Variants in NXN observed in about 807,000 individuals in gnomAD.
NXN encodes the protein nucleoredoxin, also known as nucleoredoxin 1.
Under a neutral mutation model 48.6 loss-of-function variants are expected in NXN, and 16 were observed. The observed-to-expected ratio is 0.33, with a 90% CI of 0.22 to 0.50. NXN has a LOEUF of 0.50. Ranked by LOEUF, NXN falls within the 20% of genes least tolerant of loss-of-function variation. The pLI, the probability that NXN is intolerant of heterozygous loss-of-function variation, is 0.98. For synonymous variants in NXN, 281 were observed against 269.6 expected (o/e 1.04, Z -0.41); for missense variants, 492 against 605.5 (o/e 0.81, Z 1.97).
Position 941,077 on chromosome 17 carries a change from G to A in NXN, c.360+38242C>T, listed in dbSNP as rs561708753. ...CCAAACACCTCCCTGGATTTCCAGC[G>A]AACAAGATTCCAGGGTGCAGCCATG... On this transcript the variant is annotated intron_variant, in intron 1 of 7. Coordinates refer to ENST00000336868, the MANE Select transcript of NXN (RefSeq NM_022463.5). 1.1e-4 allele frequency among the ~76,000 whole-genome samples: 16 copies of A among 141,616 alleles called. No homozygotes were observed. In the East Asian group the frequency reaches 2.4e-3, roughly 21 times the overall value. The allele number at this position is 141,616 out of a possible 152,430, so 92.9% of individuals were successfully genotyped here. A position where few individuals can be genotyped will look rare whatever the true frequency, so the allele number is the denominator to read the frequency against.
intron 1 of NXN, among the ~76,000 whole-genome samples, chr17:887,820 T>G (rs531710778): frequency 6.6e-6 from 1 of 152,288 alleles, no homozygotes; most frequent in East Asian, 1.9e-4. Flanking sequence ...GAATTCCATT[T>G]GACCCAATTC....
intron 6 of NXN, 180 bp from the exon 7 acceptor site, chr17:803,986 T>TG (rs1911346502): frequency 2.8e-6 from 2 of 723,918 alleles, no homozygotes; most frequent in Non-Finnish European, 4.5e-6. Flanking sequence ...TGTGTGCACA[T>TG]GCGTCCCAGC....
At chr17:970,757 G>A (rs1184142320) in intron 1 of NXN, among the ~76,000 whole-genome samples, 1 of 152,076 alleles carries the variant, frequency 6.6e-6, no homozygotes, top group African/African-American at 2.4e-5. Context: ...TCTAATAATC[G>A]GTGCTCTTTG....
Position 822,387 on chromosome 17 carries a change from T to C in NXN, c.683A>G (p.Asn228Ser). The C allele has an allele frequency of 6.2e-7, 1 of 1,614,020 alleles. No homozygotes were observed. Among genetic ancestry groups the C allele is most frequent in the Non-Finnish European group, 8.5e-7 (1 of 1,179,972 alleles). Reference protein sequence around the residue: ...SYRKIKEAGQNFEIIFVSADR... With the variant: ...SYRKIKEAGQSFEIIFVSADR... ...TGCACTAACGAAGATGATCTCGAAGTTCTGGCCTGCCTCCTTGATCTTCCG... is the reference window on the plus strand; with the variant it reads ...TGCACTAACGAAGATGATCTCGAAGCTCTGGCCTGCCTCCTTGATCTTCCG... Residue 228 changes from asparagine (N) to serine (S), a missense_variant, in exon 4 of 8, where the codon AAC becomes AGC. Asn to Ser is a conservative substitution (Grantham distance 46, BLOSUM62 1). Around this residue, in one of 3 missense-constraint regions of NXN, gnomAD observed 303 missense variants for 388.3 expected, o/e 0.78. Coordinates refer to ENST00000336868, the MANE Select transcript of NXN (RefSeq NM_022463.5).
At chr17:866,686 A>C (rs2068098828) in intron 1 of NXN, among the ~76,000 whole-genome samples, 1 of 152,222 alleles carries the variant, frequency 6.6e-6, no homozygotes, top group East Asian at 1.9e-4. Context: ...TTTATAAAGA[A>C]AGAAAAAGTC....
intron 1 of NXN, among the ~76,000 whole-genome samples, chr17:971,984 G>A (rs2069386626): frequency 6.6e-6 from 1 of 152,024 alleles, no homozygotes; most frequent in Admixed American, 6.6e-5. Context: ...TGGCCAACAT[G>A]GTGAAACCCT....
intron 1 of NXN, among the ~76,000 whole-genome samples, chr17:951,282 A>G (rs985000508): frequency 1.3e-5 from 2 of 149,906 alleles, no homozygotes; most frequent in Admixed American, 1.3e-4. Context: ...CCCGGGAGAC[A>G]GAGGTTGCAG....
chr17:949,842 G>A (rs1461642677), intron 1 of NXN, among the ~76,000 whole-genome samples: 1 of 151,404 alleles, frequency 6.6e-6, no homozygotes, highest in Non-Finnish European at 1.5e-5. Context: ...TGGAGCAGTG[G>A]GGGCTGGGGT....
chr17:958,463 A>G lies in NXN; in HGVS notation c.360+20856T>C, dbSNP rs999217175. Among the ~76,000 whole-genome samples the G allele has an allele frequency of 1.3e-4, 20 of 151,822 alleles. No homozygotes were observed. Among genetic ancestry groups the G allele is most frequent in the Non-Finnish European group, 2.8e-4 (19 of 67,924 alleles). On this transcript the variant is annotated intron_variant, in intron 1 of 7. Transcript: ENST00000336868. The surrounding 1 kb of genome is among the most constrained non-coding windows in gnomAD (Gnocchi z 6.9). ...GGCGTTCAAAACCAGCCCGGGCAAC[A>G]TAGCAGGACTCCAACTCTACAAAAA...
chr17:957,243 G>A (rs910382403), intron 1 of NXN, among the ~76,000 whole-genome samples: 2 of 150,402 alleles, frequency 1.3e-5, no homozygotes, highest in African/African-American at 2.5e-5. Flanking sequence ...CCAACACTAC[G>A]CCGTGTGGAA....
At chr17:823,114 G>A (rs58948431) in intron 3 of NXN, among the ~76,000 whole-genome samples, 23,585 of 145,832 alleles carry the variant, frequency 0.16, 2,009 homozygotes, top group Non-Finnish European at 0.17. Context: ...AAAAAAAAAA[G>A]GGGGCCAGGC....
rs1831194104 is a variant in NXN at position 799,626 on chromosome 17, CTGTT to C, written c.*1319_*1322del. ...TCCCCAATCCTGAGAACAGAGTTGT[CTGTT>C]TCTCTTTCGGGGGTCAGGTCAGCCC... is the stretch of plus-strand genomic sequence containing the variant. On this transcript the variant is annotated 3_prime_UTR_variant, in exon 8 of 8. Transcript: ENST00000336868. The C allele has an allele frequency of 1.3e-5, 2 of 152,252 alleles. No individual in the cohort carries two copies. The highest frequency in any genetic ancestry group is 2.9e-5 in the Non-Finnish European group (2 of 68,088). 9.4% of individuals were successfully genotyped at this position (152,252 alleles called of 1,614,324 possible).
chr17:844,489 CTA>C (rs1347579705), intron 1 of NXN, among the ~76,000 whole-genome samples: 2 of 152,236 alleles, frequency 1.3e-5, no homozygotes, highest in Non-Finnish European at 2.9e-5. Context: ...TCGGAACAAG[CTA>C]TGAGGCGATC....
At position 822,320 on chromosome 17, in the gene NXN, A is replaced by G. The variant is rs535685029; in HGVS notation, c.713+37T>C. The G allele has an allele frequency of 4.9e-6, 7 of 1,433,922 alleles. No individual in the cohort carries two copies. In the South Asian group the frequency reaches 5.8e-5, roughly 12 times the overall value. The allele number at this position is 1,433,922 out of a possible 1,614,324, so 88.8% of individuals were successfully genotyped here. ...GAAAAAAAATGGATGTCAGCTACCT[A>G]CAGAAAAGGGGCCCAGCACTTCACG... is the stretch of plus-strand genomic sequence containing the variant. On this transcript the variant is annotated intron_variant, in intron 4 of 7. Coordinates refer to ENST00000336868, the MANE Select transcript of NXN (RefSeq NM_022463.5).
At chr17:979,261 G>A in intron 1 of NXN, 58 bp downstream of exon 1, 3 of 1,273,996 alleles carry the variant, frequency 2.4e-6, no homozygotes, top group South Asian at 2.8e-5. Flanking sequence ...CGTGGGGGGC[G>A]GGCAGGGGTA....
At chr17:898,966 C>CT (rs1374415387) in intron 1 of NXN, among the ~76,000 whole-genome samples, 1 of 36,404 alleles carries the variant, frequency 2.7e-5, no homozygotes, top group African/African-American at 5.5e-5. Flanking sequence ...TTTTTTTTTT[C>CT]TTTTTTTTTG....
intron 5 of NXN, among the ~76,000 whole-genome samples, chr17:815,145 A>T (rs553579779): frequency 6.6e-6 from 1 of 152,392 alleles, no homozygotes; most frequent in South Asian, 2.1e-4. Flanking sequence ...TTCAAAGTAT[A>T]CAAAAGATAA....
intron 1 of NXN, among the ~76,000 whole-genome samples, chr17:939,638 G>A (rs939495197): frequency 9.2e-5 from 14 of 152,028 alleles, no homozygotes; most frequent in Admixed American, 3.9e-4. Flanking sequence ...GAGCCACCGC[G>A]CCTGGCCAGA....
chr17:874,295 A>G (rs150115430), intron 1 of NXN, among the ~76,000 whole-genome samples: 139 of 152,250 alleles, frequency 9.1e-4, no homozygotes, highest in African/African-American at 3.2e-3. Context: ...TCCTTTATAA[A>G]TTACCCAGTC....
Sources: gnomAD v4.1 joint callset for allele counts (sites outside exome capture counted in the v4.1 genomes callset) on GRCh38, gnomAD v4.1.1 for gene constraint, gnomAD v4.1.1 regional missense constraint, Gnocchi (gnomAD v3.1) non-coding constraint, MANE v1.5 for transcripts, NCBI Gene and HGNC (gene_info 2026-07-23, HGNC 2026-07-21) for gene names.